CSMD1: variants seen among roughly 807,000 people sequenced by gnomAD.
The protein encoded by CSMD1 is CUB and sushi domain-containing protein 1.
CSMD1 carries 213 observed loss-of-function variants against 417.5 expected under a neutral mutation model. That is an observed-to-expected ratio of 0.51 (90% confidence interval 0.46 to 0.57). The LOEUF (loss-of-function observed/expected upper bound fraction) is 0.57. CSMD1 is among the 20% of genes least tolerant of loss of function. The pLI, the probability that CSMD1 is intolerant of heterozygous loss-of-function variation, is 0.00. For missense variants in CSMD1, 6,923 were observed against 4,529.7 expected (o/e 1.53, Z -15.17); for synonymous variants, 2,862 against 1,736.8 (o/e 1.65, Z -16.11).
chr8:4,926,727 C>T (rs760105663), intron 1 of CSMD1, among the ~76,000 whole-genome samples: 4 of 152,060 alleles, frequency 2.6e-5, no homozygotes, highest in African/African-American at 4.8e-5. Context: ...CAGGACTTTA[C>T]AATCTATACT....
At chr8:4,467,775 G>T (rs144622440) in intron 2 of CSMD1, among the ~76,000 whole-genome samples, 1 of 152,216 alleles carries the variant, frequency 6.6e-6, no homozygotes, top group Admixed American at 6.5e-5. Context: ...AAAGCACCTT[G>T]CATTTACTAT....
At chr8:3,229,350 C>A (rs533912524) in intron 27 of CSMD1, among the ~76,000 whole-genome samples, 4 of 152,058 alleles carry the variant, frequency 2.6e-5, no homozygotes, top group Admixed American at 1.3e-4. Flanking sequence ...ACTCTAAGTA[C>A]GAATTTTATT....
At chr8:4,136,704 A>C (rs1417606002) in intron 3 of CSMD1, among the ~76,000 whole-genome samples, 1 of 152,184 alleles carries the variant, frequency 6.6e-6, no homozygotes, top group Non-Finnish European at 1.5e-5. Context: ...AGACTACGTA[A>C]CATCTTATGT....
In CSMD1 at chr8:3,921,475, T is replaced by G. The variant is rs186545923; in HGVS notation, c.818+76428A>C. Among the ~76,000 whole-genome samples the G allele has an allele frequency of 5.9e-5, 9 of 152,276 alleles. No homozygotes were observed. The East Asian group carries it at 1.7e-3, about 29-fold the overall frequency. ...GTTCTTTTCCTAGTTCAGTGAGGTG[T>G]AAAGTTAGGTTGCTTATATAAAATA... On this transcript the variant is annotated intron_variant, in intron 5 of 69. Transcript: ENST00000635120.
intron 7 of CSMD1, among the ~76,000 whole-genome samples, chr8:3,677,224 C>T (rs1799423552): frequency 6.6e-6 from 1 of 152,168 alleles, no homozygotes; most frequent in Non-Finnish European, 1.5e-5. Context: ...AAGGAAAACA[C>T]CGCTTAAAAG....
At position 3,434,682 on chromosome 8, in the gene CSMD1, C is replaced by A. The variant is rs185114592; in HGVS notation, c.1562-25077G>T. Among the ~76,000 whole-genome samples the A allele has an allele frequency of 7.9e-5, 12 of 152,302 alleles. No homozygotes were observed. In the East Asian group the frequency reaches 1.7e-3, roughly 22 times the overall value. ...CTCTCCACCTTTTCTCCATATCCCCCTCATTCCTGCCCCATAGACTTCATT... is the reference window on the plus strand; with the variant it reads ...CTCTCCACCTTTTCTCCATATCCCCATCATTCCTGCCCCATAGACTTCATT... On this transcript the variant is annotated intron_variant, in intron 12 of 69. Transcript: ENST00000635120.
chr8:4,534,639 C>G (rs1797007465), intron 2 of CSMD1, among the ~76,000 whole-genome samples: 1 of 152,064 alleles, frequency 6.6e-6, no homozygotes, highest in African/African-American at 2.4e-5. Flanking sequence ...ATTTTTATGG[C>G]CATGTGTGCT....
At chr8:4,850,906 G>GCCCC (rs537324171) in intron 1 of CSMD1, among the ~76,000 whole-genome samples, 54 of 148,068 alleles carry the variant, frequency 3.6e-4, no homozygotes, top group Non-Finnish European at 4.7e-4. Flanking sequence ...TGTTTCCCTT[G>GCCCC]CCCCCCCACT....
intron 3 of CSMD1, among the ~76,000 whole-genome samples, chr8:4,337,632 G>T (rs1051232116): frequency 1.3e-5 from 2 of 152,144 alleles, no homozygotes; most frequent in Admixed American, 6.6e-5. Flanking sequence ...GTGTCATGCT[G>T]AACTATTCCG....
chr8:3,889,710 G>C (rs1806824034), intron 5 of CSMD1, among the ~76,000 whole-genome samples: 1 of 151,396 alleles, frequency 6.6e-6, no homozygotes, highest in Non-Finnish European at 1.5e-5. Flanking sequence ...CCTATAAATT[G>C]AGCTATGGAT....
chr8:3,851,718 T>G (rs76806964), intron 5 of CSMD1, among the ~76,000 whole-genome samples: 8,775 of 151,824 alleles, frequency 0.058, 696 homozygotes, highest in African/African-American at 0.18. Context: ...AGATAAATAA[T>G]TAAAGGAAAG....
intron 11 of CSMD1, among the ~76,000 whole-genome samples, chr8:3,471,910 C>G (rs1302657388): frequency 1.3e-5 from 2 of 152,274 alleles, no homozygotes; most frequent in Admixed American, 6.5e-5. Context: ...ACACATGGCA[C>G]TTGGTTCACA....
intron 3 of CSMD1, among the ~76,000 whole-genome samples, chr8:4,252,076 T>C (rs963635278): frequency 6.6e-6 from 1 of 152,136 alleles, no homozygotes; most frequent in Non-Finnish European, 1.5e-5. Context: ...GAAATTAAAC[T>C]GAAACTGATG....
chr8:3,070,224 T>A (rs1245756222), intron 49 of CSMD1, among the ~76,000 whole-genome samples: 1 of 152,232 alleles, frequency 6.6e-6, no homozygotes, highest in African/African-American at 2.4e-5. Flanking sequence ...TTTTGGAATA[T>A]TAGCACTTAG....
At chr8:3,376,580 T>C (rs550630764) in intron 18 of CSMD1, among the ~76,000 whole-genome samples, 3 of 152,210 alleles carry the variant, frequency 2.0e-5, no homozygotes, top group Admixed American at 1.3e-4. Flanking sequence ...TCTTTTTTTG[T>C]TGTTAAAACT....
At position 3,458,117 on chromosome 8, in the gene CSMD1, C is replaced by T. The variant is rs188760936; in HGVS notation, c.1561+10595G>A. ...CGTGAGCCCCGCAGCGCTTAACCTCCGTGTCATTTCCACTACATCTTATCT... is the reference window on the plus strand; with the variant it reads ...CGTGAGCCCCGCAGCGCTTAACCTCTGTGTCATTTCCACTACATCTTATCT... On this transcript the variant is annotated intron_variant, in intron 12 of 69. Transcript: ENST00000635120. Among the ~76,000 whole-genome samples, 809 of 152,300 alleles carry T rather than the reference C, an allele frequency of 5.3e-3. 3 individuals carry two copies. Among genetic ancestry groups the T allele is most frequent in the Non-Finnish European group, 7.5e-3 (513 of 68,032 alleles).
intron 2 of CSMD1, among the ~76,000 whole-genome samples, chr8:4,457,001 A>C (rs1412285662): frequency 6.7e-6 from 1 of 148,376 alleles, no homozygotes; most frequent in African/African-American, 2.4e-5. Flanking sequence ...AAAAAAAAAC[A>C]ACAAGAAAAG....
chr8:3,881,062 A>G (rs1035856264), intron 5 of CSMD1, among the ~76,000 whole-genome samples: 1 of 152,166 alleles, frequency 6.6e-6, no homozygotes, highest in African/African-American at 2.4e-5. Context: ...GTGAATTCAA[A>G]AAATTATATA....
intron 5 of CSMD1, among the ~76,000 whole-genome samples, chr8:3,891,344 C>CTA (rs1248138723): frequency 1.1e-4 from 16 of 152,270 alleles, no homozygotes; most frequent in Admixed American, 3.3e-4. Context: ...GCCACCGCGC[C>CTA]TATCCTGAGC....
Sources: allele counts gnomAD v4.1 joint callset (sites outside exome capture counted in the v4.1 genomes callset), GRCh38; gene constraint gnomAD v4.1.1; transcripts MANE v1.5; gene names NCBI Gene and HGNC (gene_info 2026-07-23, HGNC 2026-07-21).